The following DACH2 variants were observed in gnomAD, a reference collection of about 807,000 sequenced individuals.
The protein encoded by DACH2 is dachshund family transcription factor 2.
In DACH2, 17 loss-of-function variants were observed where a neutral mutation model predicts 35.8. The observed-to-expected ratio is 0.48, with a 90% confidence interval of 0.33 to 0.71. DACH2 has a LOEUF of 0.71. Ranked by LOEUF, DACH2 falls within the 30% of genes least tolerant of loss-of-function variation. The pLI, the probability that DACH2 is intolerant of heterozygous loss-of-function variation, is 0.02. For missense variants in DACH2, 469 were observed against 472.7 expected (o/e 0.99, Z 0.07); for synonymous variants, 195 against 177.3 (o/e 1.10, Z -0.79).
chrX:86,542,001 C>A (rs2038890528), intron 3 of DACH2, among the ~76,000 whole-genome samples: 1 of 111,702 alleles, frequency 9.0e-6, no homozygotes, highest in African/African-American at 3.3e-5. Flanking sequence ...GAACAACATC[C>A]CTATCTCCAT....
At chrX:86,294,732 C>T (rs2034403418) in intron 1 of DACH2, among the ~76,000 whole-genome samples, 2 of 110,117 alleles carry the variant, frequency 1.8e-5, no homozygotes, top group Non-Finnish European at 3.8e-5. Flanking sequence ...TTAGGCTGCT[C>T]AGGGGTCAGG....
At chrX:86,570,059 G>A (rs2039345614) in intron 3 of DACH2, among the ~76,000 whole-genome samples, 1 of 111,633 alleles carries the variant, frequency 9.0e-6, no homozygotes, top group Admixed American at 9.5e-5. Context: ...ATGCCAGTCA[G>A]AATGGCAATT....
chrX:86,785,295 T>C (rs952703404), intron 7 of DACH2, among the ~76,000 whole-genome samples: 2 of 111,148 alleles, frequency 1.8e-5, no homozygotes, highest in African/African-American at 3.3e-5. Context: ...GCTGGAGGTA[T>C]AAATTTGGGA....
intron 2 of DACH2, among the ~76,000 whole-genome samples, chrX:86,411,576 C>A (rs1011899781): frequency 9.0e-6 from 1 of 111,067 alleles, no homozygotes; most frequent in Non-Finnish European, 1.9e-5. Context: ...GGTCCCCAAC[C>A]CTAATACTAT....
At chrX:86,423,604 T>A (rs1602503374) in intron 2 of DACH2, among the ~76,000 whole-genome samples, 1 of 110,090 alleles carries the variant, frequency 9.1e-6, no homozygotes. Flanking sequence ...TTTTCTCCCA[T>A]TCTGTGAGTT....
intron 1 of DACH2, among the ~76,000 whole-genome samples, chrX:86,208,320 G>A (rs945062815): frequency 5.4e-5 from 6 of 110,826 alleles, no homozygotes; most frequent in South Asian, 3.7e-4. Context: ...CATTATAACT[G>A]TAAAATTGGT....
intron 3 of DACH2, among the ~76,000 whole-genome samples, chrX:86,640,637 G>A (rs1473976124): frequency 1.8e-5 from 2 of 110,764 alleles, no homozygotes; most frequent in African/African-American, 6.6e-5. Context: ...GAACTGCAGT[G>A]GGCAGCTAAG....
intron 2 of DACH2, among the ~76,000 whole-genome samples, chrX:86,449,795 T>C (rs1157462181): frequency 6.3e-5 from 7 of 111,646 alleles, no homozygotes; most frequent in Non-Finnish European, 1.3e-4. Context: ...CTCCCCCAGC[T>C]TGAATCTTTG....
intron 3 of DACH2, among the ~76,000 whole-genome samples, chrX:86,598,798 C>T (rs201391995): frequency 3.0e-5 from 3 of 100,349 alleles, no homozygotes; most frequent in Non-Finnish European, 4.1e-5. Context: ...GTTTTCTTTT[C>T]TTTTTTTTTT....
chrX:86,789,634 T>A (rs2042169109), intron 7 of DACH2, among the ~76,000 whole-genome samples: 1 of 111,932 alleles, frequency 8.9e-6, no homozygotes, highest in Admixed American at 9.5e-5. Context: ...AAGCCCTAGA[T>A]AACATGATAT....
intron 2 of DACH2, among the ~76,000 whole-genome samples, chrX:86,499,928 G>A (rs1033454057): frequency 2.7e-5 from 3 of 111,148 alleles, no homozygotes; most frequent in Non-Finnish European, 5.7e-5. Context: ...TCTGTGGTGT[G>A]AATACTGCCG....
chrX:86,275,295 T>C (rs2033897483), intron 1 of DACH2, among the ~76,000 whole-genome samples: 1 of 112,412 alleles, frequency 8.9e-6, no homozygotes, highest in African/African-American at 3.2e-5. Context: ...TGTTCAGATA[T>C]TTTTCTTTCA....
At chrX:86,400,413 T>C (rs1340917797) in intron 2 of DACH2, among the ~76,000 whole-genome samples, 1 of 112,033 alleles carries the variant, frequency 8.9e-6, no homozygotes, top group African/African-American at 3.3e-5. Context: ...TTTATTCCAT[T>C]GCTAGTGAGG....
chrX:86,818,742 GT>G (rs1406045248), intron 11 of DACH2, among the ~76,000 whole-genome samples: 1 of 110,041 alleles, frequency 9.1e-6, no homozygotes, highest in Non-Finnish European at 1.9e-5. Context: ...TCCAGCATCA[GT>G]AAAGTTCTTT....
chrX:86,246,989 C>T (rs2033298315), intron 1 of DACH2, among the ~76,000 whole-genome samples: 3 of 111,469 alleles, frequency 2.7e-5, no homozygotes, highest in South Asian at 3.7e-4. Flanking sequence ...GAAAAATCTA[C>T]CAAGTAAATG....
At chrX:86,657,180 A>G (rs1049832495) in intron 4 of DACH2, among the ~76,000 whole-genome samples, 16 of 109,402 alleles carry the variant, frequency 1.5e-4, no homozygotes, top group East Asian at 2.9e-4. Context: ...TGCTAGCACA[A>G]CAGGGATACT....
chrX:86,469,930 A>G lies in DACH2; in HGVS notation c.528-44349A>G, dbSNP rs367973361. Among the ~76,000 whole-genome samples the G allele has an allele frequency of 3.7e-5, 4 of 109,427 alleles. No homozygotes were observed. In the East Asian group the frequency reaches 1.2e-3, roughly 32 times the overall value. ...CTAATCAACAGCAAATATTTTTTTAATTCAATAAATATTTGCCATATCCAA... is the reference window on the plus strand; with the variant it reads ...CTAATCAACAGCAAATATTTTTTTAGTTCAATAAATATTTGCCATATCCAA... On this transcript the variant is annotated intron_variant, in intron 2 of 11. Coordinates refer to ENST00000373125, the MANE Select transcript of DACH2 (RefSeq NM_053281.3).
At chrX:86,429,535 A>ATTTCTTTTCTTTTTTTTCT (rs1556136455) in intron 2 of DACH2, among the ~76,000 whole-genome samples, 9 of 101,492 alleles carry the variant, frequency 8.9e-5, no homozygotes, top group African/African-American at 3.3e-4. Context: ...TCTAGAGTGC[A>ATTTCTTTTCTTTTTTTTCT]TTTCTTTTCT....
intron 3 of DACH2, among the ~76,000 whole-genome samples, chrX:86,544,151 T>C (rs1326380481): frequency 9.0e-6 from 1 of 110,794 alleles, no homozygotes; most frequent in East Asian, 2.9e-4. Context: ...TGAGATGATG[T>C]AAAGAGACCA....
Sources: allele counts gnomAD v4.1 joint callset (sites outside exome capture counted in the v4.1 genomes callset), GRCh38; gene constraint gnomAD v4.1.1; transcripts MANE v1.5; gene names NCBI Gene and HGNC (gene_info 2026-07-23, HGNC 2026-07-21).